The following ALK variants were observed in gnomAD, a reference collection of about 807,000 sequenced individuals.
The protein encoded by ALK is ALK receptor tyrosine kinase.
A neutral mutation model predicts 163.1 loss-of-function variants in ALK; 74 were observed. The observed-to-expected ratio is 0.45, with a 90% CI of 0.38 to 0.55. The LOEUF (loss-of-function observed/expected upper bound fraction) is 0.55, where lower values mean the gene tolerates loss of function less well. ALK is among the 20% of genes least tolerant of loss of function. The pLI is 0.00. For missense variants in ALK, 2,063 were observed against 2,105.3 expected (o/e 0.98, Z 0.39); for synonymous variants, 960 against 843.2 (o/e 1.14, Z -2.40).
intron 4 of ALK, among the ~76,000 whole-genome samples, chr2:29,464,414 G>C (rs1304061865): frequency 6.6e-6 from 1 of 152,130 alleles, no homozygotes; most frequent in East Asian, 1.9e-4. Context: ...CTCCTGTTGA[G>C]TCATGAAAAC....
intron 3 of ALK, among the ~76,000 whole-genome samples, chr2:29,634,044 A>T (rs1188604936): frequency 6.6e-6 from 1 of 152,210 alleles, no homozygotes; most frequent in Non-Finnish European, 1.5e-5. Flanking sequence ...TTTCATTTAT[A>T]TATATTTTAG....
At chr2:29,818,270 G>A (rs1664951681) in intron 1 of ALK, among the ~76,000 whole-genome samples, 1 of 152,190 alleles carries the variant, frequency 6.6e-6, no homozygotes, top group African/African-American at 2.4e-5. Flanking sequence ...CTGCAAGTGT[G>A]TGTGTTTGAA....
In ALK at chr2:29,532,013, G is replaced by A. The variant is rs774038845; in HGVS notation, c.1056C>T (p.His352=). 1.9e-6 allele frequency: 3 copies of A among 1,614,182 alleles called. No homozygotes were observed. The highest frequency in any genetic ancestry group is 2.2e-5 in the East Asian group (1 of 44,872). Residue 352 remains histidine, a synonymous_variant, in exon 4 of 29, where the codon CAC becomes CAT. Coordinates refer to ENST00000389048, the MANE Select transcript of ALK (RefSeq NM_004304.5). ...SEHCTLAVSV[H]RHLQPSGRYI... is the part of the protein sequence containing the mutation. ...ACCTTCCAGAGGGCTGCAGGTGCCT[G>A]TGCACCGAGACGGCCAGTGTGCAGT...
chr2:29,787,465 C>T (rs1353304521), intron 1 of ALK, among the ~76,000 whole-genome samples: 1 of 152,214 alleles, frequency 6.6e-6, no homozygotes, highest in Non-Finnish European at 1.5e-5. Context: ...TTACTGGACT[C>T]ATACTACACA....
At chr2:29,202,280 C>G (rs929359162) in intron 26 of ALK, among the ~76,000 whole-genome samples, 1 of 152,220 alleles carries the variant, frequency 6.6e-6, no homozygotes, top group African/African-American at 2.4e-5. Flanking sequence ...AGCTTCCCCC[C>G]GCCCACCTTT....
At chr2:29,398,636 A>G (rs956368071) in intron 4 of ALK, among the ~76,000 whole-genome samples, 1 of 152,172 alleles carries the variant, frequency 6.6e-6, no homozygotes, top group African/African-American at 2.4e-5. Context: ...AGAAGCTGGC[A>G]TCTTTTCAGT....
intron 3 of ALK, among the ~76,000 whole-genome samples, chr2:29,551,725 C>G (rs1329445683): frequency 6.6e-6 from 1 of 152,078 alleles, no homozygotes; most frequent in East Asian, 1.9e-4. Context: ...ACTCTACACA[C>G]AGAACAACTT....
chr2:29,536,119 C>T (rs1212182900), intron 3 of ALK, among the ~76,000 whole-genome samples: 1 of 152,154 alleles, frequency 6.6e-6, no homozygotes, highest in African/African-American at 2.4e-5. Context: ...ATGGTAGGTA[C>T]TCAATGATCC....
intron 11 of ALK, among the ~76,000 whole-genome samples, chr2:29,274,683 A>G (rs1665482408): frequency 6.6e-6 from 1 of 152,256 alleles, no homozygotes; most frequent in South Asian, 2.1e-4. Flanking sequence ...GGCTTTACCC[A>G]TGATGGGGTA....
chr2:29,841,874 C>A (rs1665710594), intron 1 of ALK, among the ~76,000 whole-genome samples: 1 of 152,202 alleles, frequency 6.6e-6, no homozygotes. Context: ...TTCCTTGACC[C>A]TTATGCCTTT....
chr2:29,771,673 T>G (rs1174243465), intron 1 of ALK, among the ~76,000 whole-genome samples: 2 of 152,262 alleles, frequency 1.3e-5, no homozygotes, highest in East Asian at 3.9e-4. Context: ...TAGCTGGGAC[T>G]ACAGGCGCCT....
intron 11 of ALK, among the ~76,000 whole-genome samples, chr2:29,263,506 T>C (rs1368935628): frequency 6.6e-6 from 1 of 152,106 alleles, no homozygotes; most frequent in Non-Finnish European, 1.5e-5. Flanking sequence ...AGGTCCCAGA[T>C]CCTCTAAAAT....
At chr2:29,802,977 T>C (rs1178351508) in intron 1 of ALK, among the ~76,000 whole-genome samples, 1 of 152,108 alleles carries the variant, frequency 6.6e-6, no homozygotes, top group African/African-American at 2.4e-5. Context: ...ATAACCTAAA[T>C]GGGATTTTAA....
chr2:29,701,599 C>T (rs1678737853), intron 2 of ALK, among the ~76,000 whole-genome samples: 1 of 152,190 alleles, frequency 6.6e-6, no homozygotes, highest in Non-Finnish European at 1.5e-5. Context: ...GGAGGTCTTA[C>T]TTTCTTGTTC....
intron 8 of ALK, among the ~76,000 whole-genome samples, chr2:29,301,934 C>T (rs190854947): frequency 6.6e-6 from 1 of 152,348 alleles, no homozygotes; most frequent in Non-Finnish European, 1.5e-5. Context: ...TCATCATCTA[C>T]TCACTCGCAG....
intron 26 of ALK, among the ~76,000 whole-genome samples, chr2:29,201,213 C>T (rs888848229): frequency 6.6e-6 from 1 of 152,118 alleles, no homozygotes. Context: ...AGATCTCATA[C>T]ACCAAGATCT....
intron 12 of ALK, among the ~76,000 whole-genome samples, chr2:29,249,865 G>T (rs1013725520): frequency 1.3e-5 from 2 of 152,184 alleles, no homozygotes; most frequent in African/African-American, 4.8e-5. Flanking sequence ...GGGGTGTGTG[G>T]GCACTGTAGC....
chr2:29,794,208 A>G (rs1298469634), intron 1 of ALK, among the ~76,000 whole-genome samples: 1 of 152,160 alleles, frequency 6.6e-6, no homozygotes, highest in Non-Finnish European at 1.5e-5. Context: ...AACCTCGTGA[A>G]CCAACCTCTG....
chr2:29,825,518 G>T (rs1665172024), intron 1 of ALK, among the ~76,000 whole-genome samples: 1 of 152,156 alleles, frequency 6.6e-6, no homozygotes, highest in Non-Finnish European at 1.5e-5. Flanking sequence ...AAAGACAACA[G>T]GGCTAGGCCA....
Sources: gnomAD v4.1 joint callset for allele counts (sites outside exome capture counted in the v4.1 genomes callset) on GRCh38, gnomAD v4.1.1 for gene constraint, MANE v1.5 for transcripts, NCBI Gene and HGNC (gene_info 2026-07-23, HGNC 2026-07-21) for gene names.